PCCA: variants seen among roughly 807,000 people sequenced by gnomAD.
PCCA encodes the protein propionyl-CoA carboxylase alpha chain, mitochondrial.
Under a neutral mutation model 101.3 loss-of-function variants are expected in PCCA, and 74 were observed. The observed-to-expected ratio is 0.73, with a 90% CI of 0.61 to 0.89. PCCA has a LOEUF of 0.89. PCCA is among the 40% of genes least tolerant of loss of function. The pLI is 0.00. For synonymous variants in PCCA, 294 were observed against 313.6 expected (o/e 0.94, Z 0.66); for missense variants, 891 against 907.0 (o/e 0.98, Z 0.23).
intron 17 of PCCA, 67 bp downstream of exon 17, chr13:100,330,738 AT>A (rs1388184591): frequency 1.1e-6 from 1 of 922,486 alleles, no homozygotes; most frequent in Non-Finnish European, 1.7e-6. Context: ...GTAATACATA[AT>A]TTCACTCTAT....
At chr13:100,269,822 C>T (rs1158007775) in intron 11 of PCCA, among the ~76,000 whole-genome samples, 1 of 152,052 alleles carries the variant, frequency 6.6e-6, no homozygotes, top group African/African-American at 2.4e-5. Flanking sequence ...ATTTTAGTTA[C>T]ATTGGTTTTT....
Position 100,341,379 on chromosome 13 carries a change from A to G in PCCA, c.1643+1120A>G, listed in dbSNP as rs534775012. On this transcript the variant is annotated intron_variant, in intron 18 of 23. Coordinates refer to ENST00000376285, the MANE Select transcript of PCCA (RefSeq NM_000282.4). ...TGGTCTTTGCTCCCCCGATGTCTGT[A>G]CACCTCAGTGCTTGTTGTTTGGTTG... Among the ~76,000 whole-genome samples the G allele has an allele frequency of 2.0e-5, 3 of 152,190 alleles. No homozygotes were observed. The East Asian group carries it at 5.8e-4, about 29-fold the overall frequency.
intron 7 of PCCA, among the ~76,000 whole-genome samples, chr13:100,224,566 G>A (rs1039840339): frequency 1.3e-5 from 2 of 152,348 alleles, no homozygotes; most frequent in East Asian, 3.9e-4. Flanking sequence ...AGCGAGCGAG[G>A]GCTGTGAGGA....
intron 8 of PCCA, among the ~76,000 whole-genome samples, chr13:100,254,588 G>A (rs530363243): frequency 1.4e-4 from 21 of 152,226 alleles, no homozygotes; most frequent in African/African-American, 5.1e-4. Context: ...AAGAAAGTAG[G>A]GATGAGGGAC....
At chr13:100,280,130 C>T (rs892917054) in intron 12 of PCCA, among the ~76,000 whole-genome samples, 1 of 151,748 alleles carries the variant, frequency 6.6e-6, no homozygotes, top group Non-Finnish European at 1.5e-5. Context: ...AAAGTCACCG[C>T]GTTTGGTGCA....
chr13:100,361,168 G>A (rs2074536975), intron 18 of PCCA, among the ~76,000 whole-genome samples: 1 of 152,144 alleles, frequency 6.6e-6, no homozygotes, highest in Non-Finnish European at 1.5e-5. Flanking sequence ...AGGTGGAACA[G>A]GGGACTTGTA....
intron 19 of PCCA, among the ~76,000 whole-genome samples, chr13:100,380,230 C>G (rs1203479401): frequency 6.6e-6 from 1 of 152,090 alleles, no homozygotes; most frequent in Non-Finnish European, 1.5e-5. Flanking sequence ...ATGGTGGTAG[C>G]ATGTGCCTCT....
intron 21 of PCCA, among the ~76,000 whole-genome samples, chr13:100,509,922 G>A (rs2152994583): frequency 6.6e-6 from 1 of 152,224 alleles, no homozygotes; most frequent in East Asian, 1.9e-4. Context: ...GGATGGGTCA[G>A]AAACATCTGC....
At chr13:100,203,678 A>T (rs1434807529) in intron 6 of PCCA, among the ~76,000 whole-genome samples, 1 of 152,196 alleles carries the variant, frequency 6.6e-6, no homozygotes, top group Non-Finnish European at 1.5e-5. Context: ...GAGACTTCGT[A>T]TCAAGACAAA....
Position 100,356,762 on chromosome 13 carries a change from C to T in PCCA, c.1644-11710C>T, listed in dbSNP as rs138032269. On this transcript the variant is annotated intron_variant, in intron 18 of 23. Coordinates refer to ENST00000376285, the MANE Select transcript of PCCA (RefSeq NM_000282.4). ...CATGTGTGCACAGAAATGTTGTATACAAATGTTTATAGTGGCATTTTTCAT... is the reference window on the plus strand; with the variant it reads ...CATGTGTGCACAGAAATGTTGTATATAAATGTTTATAGTGGCATTTTTCAT... Among the ~76,000 whole-genome samples, 1,150 of 152,162 alleles carry T rather than the reference C, an allele frequency of 7.6e-3. 13 individuals are homozygous for T. Among genetic ancestry groups the T allele is most frequent in the African/African-American group, 0.026 (1,078 of 41,522 alleles).
At chr13:100,188,330 C>CAAAACAAA (rs59950655) in intron 6 of PCCA, among the ~76,000 whole-genome samples, 7 of 106,956 alleles carry the variant, frequency 6.5e-5, no homozygotes, top group Admixed American at 5.9e-4. Flanking sequence ...AAAACAAAAA[C>CAAAACAAA]ACAAAGAAAG....
chr13:100,158,773 C>T (rs569559443), intron 6 of PCCA, among the ~76,000 whole-genome samples: 1 of 152,194 alleles, frequency 6.6e-6, no homozygotes, highest in South Asian at 2.1e-4. Context: ...TTTATTGAAA[C>T]ACAGCCATGC....
intron 13 of PCCA, among the ~76,000 whole-genome samples, chr13:100,302,291 G>C (rs2066124506): frequency 6.6e-6 from 1 of 152,038 alleles, no homozygotes; most frequent in Non-Finnish European, 1.5e-5. Flanking sequence ...ATCAGTGTCT[G>C]TGTTTAAGAA....
chr13:100,367,633 AGTTTTTTTTTT>A (rs1252679159), intron 18 of PCCA, among the ~76,000 whole-genome samples: 80 of 148,784 alleles, frequency 5.4e-4, no homozygotes, highest in African/African-American at 1.8e-3. Flanking sequence ...AAATAAGTAT[AGTTTTTTTTTT>A]GTTTTTTTTT....
chr13:100,091,057 G>A (rs984616754), intron 1 of PCCA, among the ~76,000 whole-genome samples: 1 of 152,198 alleles, frequency 6.6e-6, no homozygotes, highest in African/African-American at 2.4e-5. Flanking sequence ...GGAATGACAG[G>A]TTAGAAGAAC....
chr13:100,322,263 A>G lies in PCCA; in HGVS notation c.1430-8298A>G, dbSNP rs924250108. ...AGAAAGGAAGCTCAAGCAAGCAATG[A>G]GAGAGTCGGAAGTTGCGTACATCAC... On this transcript the variant is annotated intron_variant, in intron 16 of 23. Coordinates refer to ENST00000376285, the MANE Select transcript of PCCA (RefSeq NM_000282.4). Among the ~76,000 whole-genome samples, 16 of 152,278 alleles carry G rather than the reference A, an allele frequency of 1.1e-4. No individual in the cohort carries two copies. In the East Asian group the frequency reaches 2.9e-3, roughly 28 times the overall value.
intron 21 of PCCA, 123 bp downstream of exon 21, chr13:100,449,428 G>A: frequency 1.6e-6 from 1 of 608,036 alleles, no homozygotes; most frequent in African/African-American, 1.9e-5. Context: ...CTACTTTTTT[G>A]CCTTTACAAA....
chr13:100,113,580 CT>C (rs142922710), intron 4 of PCCA, among the ~76,000 whole-genome samples: 2,085 of 134,598 alleles, frequency 0.015, 34 homozygotes, highest in African/African-American at 0.05. Context: ...TTGACTCTTT[CT>C]TTTTTTTTTT....
chr13:100,180,608 C>T (rs2056707253), intron 6 of PCCA, among the ~76,000 whole-genome samples: 1 of 152,122 alleles, frequency 6.6e-6, no homozygotes, highest in Non-Finnish European at 1.5e-5. Flanking sequence ...ATGTGGTATT[C>T]CAGTTTAAGG....
Sources: gnomAD v4.1 joint callset for allele counts (sites outside exome capture counted in the v4.1 genomes callset) on GRCh38, gnomAD v4.1.1 for gene constraint, MANE v1.5 for transcripts, NCBI Gene and HGNC (gene_info 2026-07-23, HGNC 2026-07-21) for gene names.